Variants in CDC42BPA observed in about 807,000 individuals in gnomAD.
CDC42BPA encodes the protein CDC42 binding protein kinase alpha.
In CDC42BPA, 80 loss-of-function variants were observed where a neutral mutation model predicts 223.5. The observed-to-expected ratio is 0.36, with a 90% confidence interval of 0.30 to 0.43. The LOEUF (loss-of-function observed/expected upper bound fraction) is 0.43, where lower values mean the gene tolerates loss of function less well. CDC42BPA is among the 20% of genes least tolerant of loss of function. The pLI is 1.00. For synonymous variants in CDC42BPA, 694 were observed against 718.6 expected, an observed-to-expected ratio of 0.97 and a Z score of 0.55; for missense variants, 1,743 against 2,099.9, an observed-to-expected ratio of 0.83 and a Z score of 3.32.
At chr1:227,251,720 A>C (rs1056361453) in intron 2 of CDC42BPA, among the ~76,000 whole-genome samples, 5 of 152,126 alleles carry the variant, frequency 3.3e-5, no homozygotes, top group African/African-American at 1.2e-4. Flanking sequence ...ACTGAAAGAA[A>C]TAAAGAAATC....
chr1:226,993,595 T>TTTACA lies in CDC42BPA; in HGVS notation c.*668_*672dup, dbSNP rs576977910. On this transcript the variant is annotated 3_prime_UTR_variant, in exon 37 of 37. Coordinates refer to ENST00000366766, the MANE Select transcript of CDC42BPA (RefSeq NM_001394014.1). ...ATGTGAGCTTGAGGCCTTTCCACCC[T>TTTACA]TTACATTACATTACAGACAAGAAAC... 6.5e-6 allele frequency: 1 copy of TTTACA among 152,688 alleles called. No individual in the cohort carries two copies. Among genetic ancestry groups the TTTACA allele is most frequent in the Non-Finnish European group, 1.5e-5 (1 of 68,052 alleles). The allele number at this position is 152,688 out of a possible 1,614,324, so 9.5% of individuals were successfully genotyped here. A position where few individuals can be genotyped will look rare whatever the true frequency, so the allele number is the denominator to read the frequency against.
intron 6 of CDC42BPA, among the ~76,000 whole-genome samples, chr1:227,157,605 A>G (rs1053292805): frequency 6.6e-6 from 1 of 152,024 alleles, no homozygotes; most frequent in Non-Finnish European, 1.5e-5. Flanking sequence ...AAATTCTTAG[A>G]TCTGAGTTTT....
At chr1:227,091,392 A>G (rs1683050335) in intron 16 of CDC42BPA, among the ~76,000 whole-genome samples, 1 of 151,552 alleles carries the variant, frequency 6.6e-6, no homozygotes, top group African/African-American at 2.4e-5. Context: ...GTGAGTTCTC[A>G]CTGAGATCCG....
Position 227,047,993 on chromosome 1 carries a change from T to A in CDC42BPA, c.3027A>T (p.Pro1009=). The stretch of plus-strand genomic sequence containing the variant: ...TTAAGGTTGGTGTGTGAACTGAAAG[T>A]GGAGTGGAGTCTACAGTCTGAACCC... ...AEPVKTVDST[P]LSVHTPTLRK... is the part of the protein sequence containing the mutation. Residue 1009 remains proline, a synonymous_variant, in exon 23 of 37, where the codon CCA becomes CCT. Transcript: ENST00000366766. 4 of 1,609,948 alleles carry A rather than the reference T, an allele frequency of 2.5e-6. No homozygotes were observed. Among genetic ancestry groups the A allele is most frequent in the Non-Finnish European group, 3.4e-6 (4 of 1,176,802 alleles).
chr1:227,085,214 A>T (rs1681611586), intron 16 of CDC42BPA, among the ~76,000 whole-genome samples: 2 of 151,912 alleles, frequency 1.3e-5, no homozygotes, highest in South Asian at 4.2e-4. Flanking sequence ...CACTCACTCT[A>T]TTGGTTCTGT....
intron 34 of CDC42BPA, among the ~76,000 whole-genome samples, chr1:227,011,827 C>A (rs1176111808): frequency 7.9e-5 from 12 of 152,290 alleles, no homozygotes; most frequent in African/African-American, 2.9e-4. Flanking sequence ...GTCACCTTCT[C>A]TAATGGGAAT....
intron 21 of CDC42BPA, 70 bp from the exon 22 acceptor site, chr1:227,052,055 T>G: frequency 2.4e-6 from 2 of 817,050 alleles, no homozygotes; most frequent in South Asian, 2.7e-5. Context: ...GCTTAGCAAA[T>G]TTCTGTAAGG....
chr1:227,177,328 C>G lies in CDC42BPA; in HGVS notation c.599+16458G>C, dbSNP rs973443311. Among the ~76,000 whole-genome samples the G allele has an allele frequency of 3.6e-4, 55 of 152,080 alleles. No individual in the cohort carries two copies. The South Asian group carries it at 4.4e-3, about 12-fold the overall frequency. On this transcript the variant is annotated intron_variant, in intron 5 of 36. Coordinates refer to ENST00000366766, the MANE Select transcript of CDC42BPA (RefSeq NM_001394014.1). Reference sequence around the variant, plus strand: ...GGTTACCTTTATCTGAAAATGTCTCCCCCTCACCCCCACTTCATTACTGAA... The same window carrying G: ...GGTTACCTTTATCTGAAAATGTCTCGCCCTCACCCCCACTTCATTACTGAA...
In CDC42BPA at chr1:227,318,333, T is replaced by C. The variant is rs68133756; in HGVS notation, c.-1151A>G. Reference sequence around the variant, plus strand: ...GGGTCGCTTCCGCGGCTGAGGAGACTAGAGGCTGCGGCAGCCCGGCTCCCA... The same window carrying C: ...GGGTCGCTTCCGCGGCTGAGGAGACCAGAGGCTGCGGCAGCCCGGCTCCCA... On this transcript the variant is annotated 5_prime_UTR_variant, in exon 1 of 37. Coordinates refer to ENST00000366766, the MANE Select transcript of CDC42BPA (RefSeq NM_001394014.1). 32,658 of 152,398 alleles carry C rather than the reference T, an allele frequency of 0.21. 3,977 individuals are homozygous for C. The highest frequency in any genetic ancestry group is 0.37 in the East Asian group (1,870 of 5,078). 9.4% of individuals were successfully genotyped at this position (152,398 alleles called of 1,614,324 possible). A position where few individuals can be genotyped will look rare whatever the true frequency, so the allele number is the denominator to read the frequency against.
intron 1 of CDC42BPA, among the ~76,000 whole-genome samples, chr1:227,316,610 G>A (rs1694441578): frequency 6.6e-6 from 1 of 152,132 alleles, no homozygotes; most frequent in Non-Finnish European, 1.5e-5. Context: ...CCTATTTTGA[G>A]AATAATTTCC....
chr1:227,149,609 C>T (rs1214277170), intron 6 of CDC42BPA, among the ~76,000 whole-genome samples: 4 of 151,910 alleles, frequency 2.6e-5, no homozygotes, highest in Admixed American at 2.0e-4. Context: ...AAAAATCAAA[C>T]GGAAGTCCTA....
chr1:227,001,935 C>CA (rs1662947767), intron 35 of CDC42BPA, among the ~76,000 whole-genome samples: 1 of 151,626 alleles, frequency 6.6e-6, no homozygotes, highest in Non-Finnish European at 1.5e-5. Context: ...AAACAAAAAA[C>CA]AAAAACGCAA....
intron 5 of CDC42BPA, among the ~76,000 whole-genome samples, chr1:227,191,693 C>T (rs1464707794): frequency 5.0e-5 from 4 of 80,576 alleles, no homozygotes; most frequent in Non-Finnish European, 9.2e-5. Flanking sequence ...AAATATTCAA[C>T]GAAATAGTAT....
At chr1:227,029,480 G>A (rs1668849477) in intron 29 of CDC42BPA, among the ~76,000 whole-genome samples, 1 of 152,122 alleles carries the variant, frequency 6.6e-6, no homozygotes, top group Admixed American at 6.5e-5. Context: ...AACCCCAAAG[G>A]ATTCTTGTGT....
chr1:227,109,803 T>C (rs970018944), intron 14 of CDC42BPA, among the ~76,000 whole-genome samples: 1 of 151,624 alleles, frequency 6.6e-6, no homozygotes, highest in Non-Finnish European at 1.5e-5. Context: ...GTCAAGATCA[T>C]CAAGACGTTA....
intron 2 of CDC42BPA, among the ~76,000 whole-genome samples, chr1:227,247,276 C>A (rs1325921281): frequency 6.7e-6 from 1 of 148,934 alleles, no homozygotes; most frequent in Non-Finnish European, 1.5e-5. Flanking sequence ...GCAGGCAGAT[C>A]ACTTGAGGTC....
intron 10 of CDC42BPA, among the ~76,000 whole-genome samples, chr1:227,135,624 A>T (rs1332319901): frequency 6.6e-6 from 1 of 151,902 alleles, no homozygotes; most frequent in Non-Finnish European, 1.5e-5. Context: ...GGAGGCTGAG[A>T]CGGGCGGATC....
chr1:227,285,197 A>C (rs1688627663), intron 1 of CDC42BPA, among the ~76,000 whole-genome samples: 1 of 152,192 alleles, frequency 6.6e-6, no homozygotes, highest in Non-Finnish European at 1.5e-5. Context: ...AATGGTCTGG[A>C]ACTATGATTC....
chr1:227,183,773 A>G (rs1472319365), intron 5 of CDC42BPA, among the ~76,000 whole-genome samples: 1 of 152,224 alleles, frequency 6.6e-6, no homozygotes, highest in African/African-American at 2.4e-5. Flanking sequence ...AAAATGTCCA[A>G]CTGTCTTCCA....
Sources: allele counts gnomAD v4.1 joint callset (sites outside exome capture counted in the v4.1 genomes callset), GRCh38; gene constraint gnomAD v4.1.1; transcripts MANE v1.5; gene names NCBI Gene and HGNC (gene_info 2026-07-23, HGNC 2026-07-21).